Variants in WNK1 observed in about 807,000 individuals in gnomAD.
WNK1 encodes the protein serine/threonine-protein kinase WNK1.
A neutral mutation model predicts 222.8 loss-of-function variants in WNK1; 38 were observed. The ratio of observed to expected loss-of-function variants is 0.17; its 90% confidence interval spans 0.13 to 0.22. The LOEUF (loss-of-function observed/expected upper bound fraction) is 0.22, where lower values mean the gene tolerates loss of function less well. Ranked by LOEUF, WNK1 falls within the 10% of genes least tolerant of loss-of-function variation. The pLI, the probability that WNK1 is intolerant of heterozygous loss-of-function variation, is 1.00. For missense variants in WNK1, 2,348 were observed against 2,918.4 expected (o/e 0.80, Z 4.50); for synonymous variants, 1,090 against 1,092.9 (o/e 1.00, Z 0.05).
chr12:857,812 C>T (rs943683241), intron 5 of WNK1, among the ~76,000 whole-genome samples: 1 of 152,154 alleles, frequency 6.6e-6, no homozygotes, highest in African/African-American at 2.4e-5. Context: ...TCTGATCTGC[C>T]ATGTAGCTGA....
intron 5 of WNK1, among the ~76,000 whole-genome samples, chr12:858,087 C>G (rs1175131659): frequency 1.3e-5 from 2 of 151,828 alleles, no homozygotes; most frequent in African/African-American, 4.8e-5. Context: ...GGTTTTTAAG[C>G]CTTTATTAAG....
chr12:886,968 C>G (rs1024903766), intron 19 of WNK1, among the ~76,000 whole-genome samples: 1 of 152,174 alleles, frequency 6.6e-6, no homozygotes, highest in Non-Finnish European at 1.5e-5. Context: ...TCTGTTCTCC[C>G]TAGGGGACAA....
chr12:905,056 T>C (rs1749403931), intron 26 of WNK1, among the ~76,000 whole-genome samples: 1 of 152,168 alleles, frequency 6.6e-6, no homozygotes, highest in African/African-American at 2.4e-5. Flanking sequence ...AATAGGTTAT[T>C]GTTAGTAGGA....
rs145311469 is a variant in WNK1, at chr12:800,778, T to G, written c.760-12864T>G. On this transcript the variant is annotated intron_variant, in intron 1 of 27. Transcript: ENST00000315939. ...TAACAGATGGTAACTGGTTTTGTTCTGGGATGTTAATTTGCACTCTAATGG... is the reference window on the plus strand; with the variant it reads ...TAACAGATGGTAACTGGTTTTGTTCGGGGATGTTAATTTGCACTCTAATGG... 2.0e-3 allele frequency among the ~76,000 whole-genome samples: 302 copies of G among 152,332 alleles called. 2 individuals are homozygous for G. Among genetic ancestry groups the G allele is most frequent in the South Asian group, 4.2e-3 (20 of 4,816 alleles).
intron 1 of WNK1, among the ~76,000 whole-genome samples, chr12:756,598 T>A (rs901618415): frequency 3.9e-5 from 6 of 152,228 alleles, no homozygotes; most frequent in Non-Finnish European, 7.3e-5. Context: ...TTTTTTGTTT[T>A]GATTTTGAAA....
chr12:879,319 A>G (rs2154079901), intron 10 of WNK1, among the ~76,000 whole-genome samples: 1 of 151,938 alleles, frequency 6.6e-6, no homozygotes, highest in East Asian at 1.9e-4. Context: ...ATTAGCAAAT[A>G]TTTCTATGAC....
At chr12:838,767 G>A (rs761471254) in intron 4 of WNK1, among the ~76,000 whole-genome samples, 29 of 152,040 alleles carry the variant, frequency 1.9e-4, no homozygotes, top group Non-Finnish European at 3.5e-4. Flanking sequence ...GACCCACACT[G>A]CTCCTGGATG....
Position 878,227 on chromosome 12 carries a change from C to G in WNK1, c.2239C>G (p.Gln747Glu). 2 of 1,614,156 alleles carry G rather than the reference C, an allele frequency of 1.2e-6. No homozygotes were observed. Among genetic ancestry groups the G allele is most frequent in the South Asian group, 2.2e-5 (2 of 91,084 alleles). ...QHPQQQQGIQ[Q>E]TAPPQQTVQY... The stretch of plus-strand genomic sequence containing the variant: ...TTATTCTTAGCAGCAGGGAATACAG[C>G]AGACAGCCCCTCCTCAACAGACAGT... Residue 747 changes from glutamine (Q) to glutamate (E), a missense_variant, in exon 10 of 28, where the codon CAG becomes GAG. Gln to Glu is a conservative substitution (Grantham distance 29). This residue lies in a region of WNK1 where 547 missense variants were observed against 558.3 expected (regional missense o/e 0.98). Transcript: ENST00000315939.
At chr12:889,030 T>C (rs1953946738) in intron 20 of WNK1, 110 bp from the exon 21 acceptor site, 1 of 855,246 alleles carries the variant, frequency 1.2e-6, no homozygotes, top group South Asian at 1.3e-5. Context: ...AGACAAATGT[T>C]ATGTTGTGCC....
chr12:798,255 G>A (rs1334947372), intron 1 of WNK1, among the ~76,000 whole-genome samples: 14 of 150,916 alleles, frequency 9.3e-5, no homozygotes, highest in Admixed American at 6.6e-4. Context: ...GCAGTGGCCC[G>A]ATCTCGGCTC....
rs752666383 is a variant in WNK1 at position 884,202 on chromosome 12, T to C, written c.3803T>C (p.Leu1268Ser). Residue 1268 changes from leucine to serine, a missense_variant, in exon 18 of 28, where the codon TTA (leucine) becomes TCA (serine). This residue lies in a region of WNK1 where 1,144 missense variants were observed against 1,273.6 expected (regional missense o/e 0.90). Coordinates refer to ENST00000315939, the MANE Select transcript of WNK1 (RefSeq NM_018979.4). This position sits in a 1 kb window ranked among gnomAD's most constrained non-coding sequence, Gnocchi z 5.6. The part of the protein sequence containing the change: ...FIVSPVPESR[L>S]RESKVFPSEI... ...GTGAGTCCTGTGCCAGAAAGCCGATTACGAGAATCAAAAGTTTTCCCCAGT... is the reference window on the plus strand; with the variant it reads ...GTGAGTCCTGTGCCAGAAAGCCGATCACGAGAATCAAAAGTTTTCCCCAGT... 2 of 1,614,182 alleles carry C rather than the reference T, an allele frequency of 1.2e-6. No individual in the cohort carries two copies. The highest frequency in any genetic ancestry group is 1.7e-6 in the Non-Finnish European group (2 of 1,180,020).
intron 4 of WNK1, among the ~76,000 whole-genome samples, 193 bp from the exon 5 acceptor site, chr12:856,968 G>A (rs1296575005): frequency 6.6e-6 from 1 of 152,148 alleles, no homozygotes; most frequent in Non-Finnish European, 1.5e-5. Context: ...TGCTGTCACT[G>A]TTCCATGTTT....
At chr12:807,657 G>C (rs1290890155) in intron 1 of WNK1, among the ~76,000 whole-genome samples, 1 of 150,454 alleles carries the variant, frequency 6.6e-6, no homozygotes, top group Admixed American at 6.6e-5. Context: ...ATTTGCTGCA[G>C]AGTAACATTT....
At chr12:754,441 G>C in intron 1 of WNK1, 117 bp downstream of exon 1, 2 of 1,323,772 alleles carry the variant, frequency 1.5e-6, no homozygotes, top group African/African-American at 1.4e-5. Flanking sequence ...GAGTGGGACG[G>C]GGAGGCCAAC....
chr12:894,201 G>C (rs1347519591), intron 22 of WNK1, among the ~76,000 whole-genome samples: 1 of 152,232 alleles, frequency 6.6e-6, no homozygotes, highest in East Asian at 1.9e-4. Context: ...CTGGCCAACA[G>C]AGCGAAACTC....
At chr12:883,680 A>T in intron 16 of WNK1, 94 bp from the exon 17 acceptor site, 1 of 1,598,932 alleles carries the variant, frequency 6.3e-7, no homozygotes, top group South Asian at 1.1e-5. Context: ...GACCGACAAC[A>T]AACTTTTATG....
At chr12:787,454 A>G (rs1018859800) in intron 1 of WNK1, among the ~76,000 whole-genome samples, 1 of 152,202 alleles carries the variant, frequency 6.6e-6, no homozygotes, top group African/African-American at 2.4e-5. Flanking sequence ...GAGTTTAAAT[A>G]TGTTAATATA....
In WNK1 at chr12:886,014, C is replaced by T; in HGVS notation, c.5210C>T (p.Pro1737Leu). The T allele has an allele frequency of 6.3e-7, 1 of 1,593,612 alleles. No individual in the cohort carries two copies. The highest frequency in any genetic ancestry group is 8.5e-7 in the Non-Finnish European group (1 of 1,172,946). The change falls in exon 19 of 28, where the codon CCA (proline) becomes CTA (leucine). Residue 1737 changes from proline to leucine, a missense_variant. This residue lies in a region of WNK1 where 1,144 missense variants were observed against 1,273.6 expected (regional missense o/e 0.90). Coordinates refer to ENST00000315939, the MANE Select transcript of WNK1 (RefSeq NM_018979.4). ...GTCACACCTGGGCAAGTTTCTACCCCAGTCAGCACTACTACATCAGGAGTG... is the reference window on the plus strand; with the variant it reads ...GTCACACCTGGGCAAGTTTCTACCCTAGTCAGCACTACTACATCAGGAGTG... ...PVVTPGQVST[P>L]VSTTTSGVKP...
rs1953483055 is a variant in WNK1 at position 884,536 on chromosome 12, A to G, written c.3845-113A>G. 1 of 1,137,552 alleles carries G rather than the reference A, an allele frequency of 8.8e-7. No homozygotes were observed. Among genetic ancestry groups the G allele is most frequent in the Non-Finnish European group, 1.3e-6 (1 of 778,244 alleles). The allele number at this position is 1,137,552 out of a possible 1,614,324, so 70.5% of individuals were successfully genotyped here. On this transcript the variant is annotated intron_variant, in intron 18 of 27. Coordinates refer to ENST00000315939, the MANE Select transcript of WNK1 (RefSeq NM_018979.4). This position sits in a 1 kb window ranked among gnomAD's most constrained non-coding sequence, Gnocchi z 5.6. ...GTTGTCTATGTTTTAAGATTACTCC[A>G]TATTTTTTATCAAAAACAGATATTT... is the stretch of plus-strand genomic sequence containing the variant.
Sources: allele counts gnomAD v4.1 joint callset (sites outside exome capture counted in the v4.1 genomes callset), GRCh38; gene constraint gnomAD v4.1.1; regional missense constraint gnomAD v4.1.1; non-coding constraint Gnocchi (gnomAD v3.1); transcripts MANE v1.5; gene names NCBI Gene and HGNC (gene_info 2026-07-23, HGNC 2026-07-21).